ADAMTSL1: variants seen among roughly 807,000 people sequenced by gnomAD.
ADAMTSL1 encodes ADAMTS like 1.
A neutral mutation model predicts 201.8 loss-of-function variants in ADAMTSL1; 126 were observed. That is an observed-to-expected ratio of 0.62 (90% CI 0.54 to 0.72). The LOEUF is 0.72. Among genes scored for constraint, ADAMTSL1 ranks in the 30% least tolerant of loss-of-function variants. The pLI, the probability that ADAMTSL1 is intolerant of heterozygous loss-of-function variation, is 0.00. For synonymous variants in ADAMTSL1, 1,121 were observed against 903.4 expected (o/e 1.24, Z -4.32); for missense variants, 2,679 against 2,277.8 (o/e 1.18, Z -3.59).
intron 15 of ADAMTSL1, among the ~76,000 whole-genome samples, chr9:18,742,315 C>T (rs1221717504): frequency 6.6e-6 from 1 of 152,112 alleles, no homozygotes; most frequent in African/African-American, 2.4e-5. Flanking sequence ...TAAATAGAGA[C>T]ATTTATAGCC....
chr9:18,298,119 G>T (rs754523207), intron 2 of ADAMTSL1, among the ~76,000 whole-genome samples: 55 of 152,160 alleles, frequency 3.6e-4, no homozygotes, highest in Admixed American at 6.5e-5. Context: ...CGTATTCCCG[G>T]AAAAGTAAAG....
chr9:18,584,035 T>C (rs1047713196), intron 4 of ADAMTSL1, among the ~76,000 whole-genome samples: 4 of 152,130 alleles, frequency 2.6e-5, no homozygotes, highest in Non-Finnish European at 5.9e-5. Flanking sequence ...GAGTTAAGAC[T>C]TTGGGGGACT....
At chr9:18,409,560 C>T (rs1022249787) in intron 2 of ADAMTSL1, among the ~76,000 whole-genome samples, 1 of 151,278 alleles carries the variant, frequency 6.6e-6, no homozygotes, top group Non-Finnish European at 1.5e-5. Flanking sequence ...TTAAATACAA[C>T]AGGAAGATAT....
chr9:18,189,461 C>A (rs578176502), intron 2 of ADAMTSL1, among the ~76,000 whole-genome samples: 26 of 152,190 alleles, frequency 1.7e-4, no homozygotes, highest in Middle Eastern at 6.8e-3. Flanking sequence ...CAAGCAAATA[C>A]AAATTCTTAT....
At chr9:18,220,301 G>A (rs1256222715) in intron 2 of ADAMTSL1, among the ~76,000 whole-genome samples, 1 of 151,996 alleles carries the variant, frequency 6.6e-6, no homozygotes, top group East Asian at 1.9e-4. Context: ...GTACAGGAGG[G>A]TTCAGAATTT....
chr9:18,139,434 G>C (rs767242770), intron 1 of ADAMTSL1, among the ~76,000 whole-genome samples: 21 of 152,086 alleles, frequency 1.4e-4, no homozygotes, highest in Non-Finnish European at 2.6e-4. Flanking sequence ...AAGTGGGTGA[G>C]AGAGAACAGA....
At chr9:18,600,929 C>A (rs919429089) in intron 4 of ADAMTSL1, among the ~76,000 whole-genome samples, 1 of 152,078 alleles carries the variant, frequency 6.6e-6, no homozygotes, top group Non-Finnish European at 1.5e-5. Context: ...GATTCCAACC[C>A]CCACATCATC....
upstream of ADAMTSL1, among the ~76,000 whole-genome samples, chr9:18,473,590 A>G (rs979192487): frequency 6.6e-6 from 1 of 152,176 alleles, no homozygotes; most frequent in Non-Finnish European, 1.5e-5. Context: ...AAGTCAAGAG[A>G]GAAAGTAAAG....
intron 2 of ADAMTSL1, among the ~76,000 whole-genome samples, chr9:18,428,587 T>C (rs1819339387): frequency 6.6e-6 from 1 of 151,954 alleles, no homozygotes; most frequent in Non-Finnish European, 1.5e-5. Flanking sequence ...ACCAGTGCAT[T>C]CCAGCCAAGA....
chr9:18,756,816 T>A (rs1819803079), intron 16 of ADAMTSL1, among the ~76,000 whole-genome samples: 1 of 152,012 alleles, frequency 6.6e-6, no homozygotes, highest in South Asian at 2.1e-4. Flanking sequence ...CCTCTCTGTG[T>A]GAACACAGTG....
At chr9:18,215,585 T>G (rs1830028875) in intron 2 of ADAMTSL1, among the ~76,000 whole-genome samples, 1 of 152,214 alleles carries the variant, frequency 6.6e-6, no homozygotes, top group African/African-American at 2.4e-5. Context: ...CTGCACTCCT[T>G]TTTTCAATTT....
intron 2 of ADAMTSL1, among the ~76,000 whole-genome samples, chr9:18,237,949 A>G (rs1024411033): frequency 6.6e-6 from 1 of 152,254 alleles, no homozygotes; most frequent in Non-Finnish European, 1.5e-5. Flanking sequence ...ACACTAGGGC[A>G]TATGGCAGAG....
At chr9:18,337,238 G>A (rs558918623) in intron 2 of ADAMTSL1, among the ~76,000 whole-genome samples, 1 of 152,192 alleles carries the variant, frequency 6.6e-6, no homozygotes, top group African/African-American at 2.4e-5. Context: ...TCCCCCATCG[G>A]TGTAAGACTC....
chr9:18,411,775 G>C (rs1818454598), intron 2 of ADAMTSL1, among the ~76,000 whole-genome samples: 2 of 152,028 alleles, frequency 1.3e-5, no homozygotes, highest in African/African-American at 4.8e-5. Context: ...ATCATAATAT[G>C]CATCACTAAC....
At chr9:18,285,797 T>G (rs1329949983) in intron 2 of ADAMTSL1, among the ~76,000 whole-genome samples, 2 of 152,192 alleles carry the variant, frequency 1.3e-5, no homozygotes, top group East Asian at 3.8e-4. Context: ...ATTAGAATTT[T>G]TGCTGTTTGT....
intron 16 of ADAMTSL1, among the ~76,000 whole-genome samples, chr9:18,758,830 T>A (rs2133646040): frequency 6.6e-6 from 1 of 152,334 alleles, no homozygotes; most frequent in African/African-American, 2.4e-5. Flanking sequence ...CACCACCTGC[T>A]ATATTGTGAG....
chr9:18,287,276 C>T (rs1215072443), intron 2 of ADAMTSL1, among the ~76,000 whole-genome samples: 2 of 152,044 alleles, frequency 1.3e-5, no homozygotes, highest in Admixed American at 1.3e-4. Flanking sequence ...TTACATGGCT[C>T]AGCCTGGCAT....
intron 2 of ADAMTSL1, among the ~76,000 whole-genome samples, chr9:18,180,663 A>G (rs988634341): frequency 1.9e-4 from 29 of 152,316 alleles, no homozygotes; most frequent in African/African-American, 5.8e-4. Flanking sequence ...AGAACATTCC[A>G]TGCTCATGGG....
Position 18,894,972 on chromosome 9 carries a change from A to G in ADAMTSL1, c.4851+2376A>G, listed in dbSNP as rs367933802. Reference sequence around the variant, plus strand: ...GCTTTTTCCAGAAGGAAGGAAGTCAATGGTATAAAAATACATCCAACAGAA... The same window carrying G: ...GCTTTTTCCAGAAGGAAGGAAGTCAGTGGTATAAAAATACATCCAACAGAA... On this transcript the variant is annotated intron_variant, in intron 26 of 28. Transcript: ENST00000380548. Among the ~76,000 whole-genome samples the G allele has an allele frequency of 5.9e-5, 9 of 152,328 alleles. 1 individual carries two copies. The highest frequency in any genetic ancestry group is 3.3e-4 in the Admixed American group (5 of 15,306).
Sources: gnomAD v4.1 joint callset for allele counts (sites outside exome capture counted in the v4.1 genomes callset) on GRCh38, gnomAD v4.1.1 for gene constraint, MANE v1.5 for transcripts, NCBI Gene and HGNC (gene_info 2026-07-23, HGNC 2026-07-21) for gene names.